C7: variants seen among roughly 807,000 people sequenced by gnomAD.
C7 encodes complement C7.
C7 carries 83 observed loss-of-function variants against 104.8 expected under a neutral mutation model. That is an observed-to-expected ratio of 0.79 (90% CI 0.66 to 0.95). C7 has a LOEUF of 0.95. C7 is among the 40% of genes least tolerant of loss of function. The pLI, the probability that C7 is intolerant of heterozygous loss-of-function variation, is 0.00. For missense variants in C7, 1,070 were observed against 1,011.2 expected (o/e 1.06, Z -0.79); for synonymous variants, 415 against 360.6 (o/e 1.15, Z -1.71).
At chr5:40,910,737 A>G (rs1417824155) in intron 1 of C7, among the ~76,000 whole-genome samples, 1 of 149,718 alleles carries the variant, frequency 6.7e-6, no homozygotes, top group African/African-American at 2.4e-5. Flanking sequence ...GGGCATAAAG[A>G]TGGCAACACT....
chr5:40,976,537 A>C, intron 15 of C7: 1 of 359,948 alleles, frequency 2.8e-6, no homozygotes, highest in Non-Finnish European at 5.0e-6. Flanking sequence ...GATGGTAGCT[A>C]TTACTACCAA....
chr5:40,929,591 G>T (rs771749541), intron 2 of C7, among the ~76,000 whole-genome samples: 39 of 152,128 alleles, frequency 2.6e-4, no homozygotes, highest in Non-Finnish European at 4.1e-4. Flanking sequence ...CCCAGCCGAG[G>T]AATGTGCTGG....
chr5:40,959,294 C>T (rs1740371889), intron 11 of C7, among the ~76,000 whole-genome samples, 155 bp from the exon 12 acceptor site: 1 of 152,172 alleles, frequency 6.6e-6, no homozygotes, highest in Non-Finnish European at 1.5e-5. Context: ...TATGTAGAGC[C>T]ATTCTGAACA....
chr5:40,922,524 A>G (rs1739462128), intron 1 of C7, among the ~76,000 whole-genome samples: 2 of 151,668 alleles, frequency 1.3e-5, no homozygotes, highest in Admixed American at 1.3e-4. Flanking sequence ...ACATGGTGAA[A>G]CCCCGTCTCT....
intron 3 of C7, among the ~76,000 whole-genome samples, chr5:40,932,372 C>T (rs746861986): frequency 3.9e-5 from 6 of 151,970 alleles, no homozygotes; most frequent in Non-Finnish European, 7.4e-5. Context: ...CCTCTTTTCC[C>T]ATAATTTTCT....
Position 40,976,857 on chromosome 5 carries a change from C to G in C7, c.2165+17C>G. On this transcript the variant is annotated intron_variant, in intron 16 of 17. Coordinates refer to ENST00000313164, the MANE Select transcript of C7 (RefSeq NM_000587.4). ...CGAATGTGGGTAAGTGCCGCCTTTG[C>G]TCATTTCTCTGTTTTATTTTATTAA... 1 of 1,549,254 alleles carries G rather than the reference C, an allele frequency of 6.5e-7. No individual in the cohort carries two copies. Among genetic ancestry groups the G allele is most frequent in the Non-Finnish European group, 8.8e-7 (1 of 1,136,694 alleles).
At position 40,958,027 on chromosome 5, in the gene C7, C is replaced by T; in HGVS notation, c.1261-6C>T. 1 of 1,602,142 alleles carries T rather than the reference C, an allele frequency of 6.2e-7. No individual in the cohort carries two copies. The highest frequency in any genetic ancestry group is 8.5e-7 in the Non-Finnish European group (1 of 1,171,288). On this transcript the variant is annotated splice_polypyrimidine_tract_variant and splice_region_variant and intron_variant, in intron 10 of 17. Coordinates refer to ENST00000313164, the MANE Select transcript of C7 (RefSeq NM_000587.4). ...ATTACTGACTATAATGTCTTTATCTCTATAGCTGACACCTTTATATGAGCT... is the reference window on the plus strand; with the variant it reads ...ATTACTGACTATAATGTCTTTATCTTTATAGCTGACACCTTTATATGAGCT...
intron 1 of C7, among the ~76,000 whole-genome samples, chr5:40,921,966 AG>A (rs1387649630): frequency 6.6e-6 from 1 of 151,994 alleles, no homozygotes; most frequent in African/African-American, 2.4e-5. Flanking sequence ...TGAACCTGTG[AG>A]GTGGAAGTTG....
chr5:40,955,142 T>C lies in C7; in HGVS notation c.1094-245T>C, dbSNP rs532448182. Among the ~76,000 whole-genome samples, 9 of 152,280 alleles carry C rather than the reference T, an allele frequency of 5.9e-5. No homozygotes were observed. In the East Asian group the frequency reaches 1.7e-3, roughly 29 times the overall value. On this transcript the variant is annotated intron_variant, in intron 9 of 17. Transcript: ENST00000313164. Reference sequence around the variant, plus strand: ...TTACATTAGGGTTCACTCTTGATATTGAACATTTAATGACTTTTGACAAAT... The same window carrying C: ...TTACATTAGGGTTCACTCTTGATATCGAACATTTAATGACTTTTGACAAAT...
At chr5:40,967,638 AT>A in intron 14 of C7, 1 of 198,906 alleles carries the variant, frequency 5.0e-6, no homozygotes, top group East Asian at 1.2e-4. Context: ...TGCTGTATTT[AT>A]TTTTATCCTG....
intron 6 of C7, among the ~76,000 whole-genome samples, chr5:40,943,056 C>G (rs1332795501): frequency 6.6e-6 from 1 of 152,218 alleles, no homozygotes; most frequent in Non-Finnish European, 1.5e-5. Flanking sequence ...GCCGCCACGC[C>G]CATGCCTGGC....
At chr5:40,933,433 T>C (rs1739738372) in intron 3 of C7, among the ~76,000 whole-genome samples, 1 of 152,148 alleles carries the variant, frequency 6.6e-6, no homozygotes, top group Non-Finnish European at 1.5e-5. Flanking sequence ...CAGGGGTAGA[T>C]CTTTCTTTTT....
At chr5:40,963,145 A>G (rs1740457921) in intron 13 of C7, among the ~76,000 whole-genome samples, 1 of 152,118 alleles carries the variant, frequency 6.6e-6, no homozygotes, top group Non-Finnish European at 1.5e-5. Context: ...GCTGTCCCCA[A>G]CTGCAGTGTG....
intron 16 of C7, 56 bp from the exon 17 acceptor site, chr5:40,979,669 T>C: frequency 6.8e-7 from 1 of 1,468,708 alleles, no homozygotes; most frequent in Non-Finnish European, 9.3e-7. Flanking sequence ...CATTTCTCCT[T>C]CTCAGCTTTT....
intron 12 of C7, among the ~76,000 whole-genome samples, chr5:40,960,490 T>C (rs1439898386): frequency 6.6e-6 from 1 of 152,140 alleles, no homozygotes; most frequent in East Asian, 1.9e-4. Flanking sequence ...ATGTGAACTA[T>C]GGTGGGAAGA....
intron 8 of C7, among the ~76,000 whole-genome samples, chr5:40,949,244 G>A (rs1272619365): frequency 2.0e-5 from 3 of 151,638 alleles, no homozygotes; most frequent in South Asian, 2.1e-4. Flanking sequence ...TATAGTGTAT[G>A]CCCCAAATAA....
chr5:40,943,352 A>AG (rs1739979997), intron 6 of C7, among the ~76,000 whole-genome samples: 1 of 152,210 alleles, frequency 6.6e-6, no homozygotes, highest in African/African-American at 2.4e-5. Flanking sequence ...GGGATTTCAG[A>AG]GGAAGAATCA....
At chr5:40,920,905 T>C (rs1334392328) in intron 1 of C7, among the ~76,000 whole-genome samples, 4 of 152,078 alleles carry the variant, frequency 2.6e-5, no homozygotes, top group Non-Finnish European at 4.4e-5. Context: ...AAAACTTCAC[T>C]GGGCGTGGTG....
intron 6 of C7, among the ~76,000 whole-genome samples, chr5:40,941,062 CTTTT>C (rs35003828): frequency 7.2e-6 from 1 of 138,918 alleles, no homozygotes; most frequent in East Asian, 2.1e-4. Context: ...AGGAACACTT[CTTTT>C]TTTTTTTTTT....
Sources: allele counts gnomAD v4.1 joint callset (sites outside exome capture counted in the v4.1 genomes callset), GRCh38; gene constraint gnomAD v4.1.1; transcripts MANE v1.5; gene names NCBI Gene and HGNC (gene_info 2026-07-23, HGNC 2026-07-21).